Variants in INPP5A observed in about 807,000 individuals in gnomAD.
INPP5A encodes inositol polyphosphate-5-phosphatase A.
A neutral mutation model predicts 65.2 loss-of-function variants in INPP5A; 14 were observed. The ratio of observed to expected loss-of-function variants is 0.21; its 90% CI spans 0.14 to 0.34. INPP5A has a LOEUF of 0.34. INPP5A is among the 10% of genes least tolerant of loss of function. The pLI, the probability that INPP5A is intolerant of heterozygous loss-of-function variation, is 1.00. For missense variants in INPP5A, 431 were observed against 545.6 expected, an observed-to-expected ratio of 0.79 and a Z score of 2.09; for synonymous variants, 207 against 208.3, an observed-to-expected ratio of 0.99 and a Z score of 0.05.
intron 9 of INPP5A, among the ~76,000 whole-genome samples, chr10:132,739,398 T>A (rs187718845): frequency 6.6e-6 from 1 of 152,304 alleles, no homozygotes; most frequent in Non-Finnish European, 1.5e-5. Context: ...GTGAGGCCCG[T>A]GGTGGGGGCG....
rs2070861068 is a variant in INPP5A at position 132,538,009 on chromosome 10, G to A, written c.-88G>A. The A allele has an allele frequency of 1.8e-6, 1 of 565,372 alleles. No homozygotes were observed. The highest frequency in any genetic ancestry group is 7.2e-5 in the South Asian group (1 of 13,880). The allele number at this position is 565,372 out of a possible 1,614,324, so 35.0% of individuals were successfully genotyped here. Reference sequence around the variant, plus strand: ...CCCCCCGGCGCAGCTGACGCCCCGCGGCCCCGCGAAGACCCCGGCCGGCCG... The same window carrying A: ...CCCCCCGGCGCAGCTGACGCCCCGCAGCCCCGCGAAGACCCCGGCCGGCCG... On this transcript the variant is annotated 5_prime_UTR_variant, in exon 1 of 16. Transcript: ENST00000368594. The surrounding 1 kb of genome is among the most constrained non-coding windows in gnomAD (Gnocchi z 4.1).
In INPP5A at chr10:132,665,400, A is replaced by G. The variant is rs1191026428; in HGVS notation, c.306+14895A>G. On this transcript the variant is annotated intron_variant, in intron 4 of 15. Coordinates refer to ENST00000368594, the MANE Select transcript of INPP5A (RefSeq NM_005539.5). ...TTAATTATGACAAAGGAAAAGTGAT[A>G]TTAAGATTCGGGGTATTTGTTTCAT... Among the ~76,000 whole-genome samples, 8 of 152,258 alleles carry G rather than the reference A, an allele frequency of 5.3e-5. No individual in the cohort carries two copies. The East Asian group carries it at 1.5e-3, about 29-fold the overall frequency.
chr10:132,719,685 TG>T (rs1373095996), intron 8 of INPP5A, among the ~76,000 whole-genome samples: 23 of 149,344 alleles, frequency 1.5e-4, no homozygotes, highest in Middle Eastern at 3.6e-3. Context: ...ACGGCTGTCT[TG>T]CAGGTTCTGT....
At chr10:132,779,180 C>T (rs1001134304) in intron 13 of INPP5A, among the ~76,000 whole-genome samples, 1 of 152,256 alleles carries the variant, frequency 6.6e-6, no homozygotes, top group African/African-American at 2.4e-5. Flanking sequence ...AGTGTGCTGG[C>T]CACAAGCCCA....
intron 9 of INPP5A, among the ~76,000 whole-genome samples, chr10:132,729,963 G>A (rs966235238): frequency 3.3e-5 from 5 of 152,196 alleles, no homozygotes; most frequent in Admixed American, 2.6e-4. Context: ...GCACTCCAGG[G>A]CGAGTGAGCA....
intron 4 of INPP5A, among the ~76,000 whole-genome samples, chr10:132,671,374 TTCGGA>T (rs2072889094): frequency 2.0e-5 from 3 of 149,158 alleles, no homozygotes; most frequent in Admixed American, 1.3e-4. Flanking sequence ...CCCTCCCTGC[TTCGGA>T]CTCCGCCCTC....
At chr10:132,572,051 C>G (rs980407217) in intron 1 of INPP5A, among the ~76,000 whole-genome samples, 1 of 152,238 alleles carries the variant, frequency 6.6e-6, no homozygotes, top group African/African-American at 2.4e-5. Flanking sequence ...ACAGGACGAG[C>G]CTGCAGAGCC....
At chr10:132,649,780 G>A (rs908384812) in intron 3 of INPP5A, among the ~76,000 whole-genome samples, 2 of 152,190 alleles carry the variant, frequency 1.3e-5, no homozygotes, top group Non-Finnish European at 2.9e-5. Flanking sequence ...AGGGGTGTGC[G>A]GTGGCCTCCT....
chr10:132,738,057 G>A (rs1846208616), intron 9 of INPP5A, among the ~76,000 whole-genome samples: 1 of 152,192 alleles, frequency 6.6e-6, no homozygotes, highest in African/African-American at 2.4e-5. Context: ...TCTATGCTGG[G>A]ACTCTGTTCG....
chr10:132,750,115 G>A (rs527591673), intron 11 of INPP5A, among the ~76,000 whole-genome samples: 3 of 152,384 alleles, frequency 2.0e-5, no homozygotes, highest in Non-Finnish European at 2.9e-5. Flanking sequence ...CCCCGTGTGC[G>A]AGGGGAGACG....
At chr10:132,723,220 G>C (rs1845918400) in intron 8 of INPP5A, among the ~76,000 whole-genome samples, 1 of 152,266 alleles carries the variant, frequency 6.6e-6, no homozygotes, top group African/African-American at 2.4e-5. Context: ...CGGGAAGAAG[G>C]AGCAGCCAGG....
At chr10:132,699,694 G>C (rs577015910) in intron 6 of INPP5A, among the ~76,000 whole-genome samples, 1 of 152,254 alleles carries the variant, frequency 6.6e-6, no homozygotes, top group Non-Finnish European at 1.5e-5. Flanking sequence ...AAGCTCGGGG[G>C]CAGCGGGCCC....
chr10:132,703,348 G>A (rs924266583), intron 6 of INPP5A, among the ~76,000 whole-genome samples: 1 of 152,066 alleles, frequency 6.6e-6, no homozygotes, highest in Non-Finnish European at 1.5e-5. Flanking sequence ...TCACCCGCCA[G>A]CCGCAGGCCC....
At chr10:132,730,269 G>A (rs1241436978) in intron 9 of INPP5A, among the ~76,000 whole-genome samples, 1 of 152,226 alleles carries the variant, frequency 6.6e-6, no homozygotes, top group Non-Finnish European at 1.5e-5. Context: ...GGGCTCCACG[G>A]GGTGCATCAT....
rs180937429 is a variant in INPP5A, at chr10:132,673,119, C to G, written c.307-17273C>G. ...CTGATTTCACCTTGATAGACCAGAT[C>G]AATCACCCCAACAGTGTAACTCCTT... is the stretch of plus-strand genomic sequence containing the variant. On this transcript the variant is annotated intron_variant, in intron 4 of 15. Coordinates refer to ENST00000368594, the MANE Select transcript of INPP5A (RefSeq NM_005539.5). Among the ~76,000 whole-genome samples, 25 of 152,334 alleles carry G rather than the reference C, an allele frequency of 1.6e-4. No homozygotes were observed. The East Asian group carries it at 4.8e-3, about 29-fold the overall frequency.
rs1246827172 is a variant in INPP5A, at chr10:132,771,814, C to T, written c.978-5857C>T. Reference sequence around the variant, plus strand: ...GCACTGACACGGAGGCCCAGGCAGCCGCCCCGTGAAGAGTGGGGCACTCAG... The same window carrying T: ...GCACTGACACGGAGGCCCAGGCAGCTGCCCCGTGAAGAGTGGGGCACTCAG... On this transcript the variant is annotated intron_variant, in intron 12 of 15. Transcript: ENST00000368594. 2.4e-5 allele frequency among the ~76,000 whole-genome samples: 3 copies of T among 123,314 alleles called. 1 individual carries two copies. The highest frequency in any genetic ancestry group is 5.7e-4 in the South Asian group (2 of 3,506). 80.9% of individuals were successfully genotyped at this position (123,314 alleles called of 152,430 possible).
chr10:132,718,310 G>T (rs1376948839), intron 8 of INPP5A, among the ~76,000 whole-genome samples: 1 of 151,048 alleles, frequency 6.6e-6, no homozygotes, highest in Non-Finnish European at 1.5e-5. Context: ...GCTGTCTTCA[G>T]GGTTCTGTGG....
intron 4 of INPP5A, among the ~76,000 whole-genome samples, chr10:132,679,336 C>T (rs1450758863): frequency 6.6e-6 from 1 of 152,058 alleles, no homozygotes; most frequent in Non-Finnish European, 1.5e-5. Context: ...GAGTAGGTCT[C>T]CAGTCCTGAA....
intron 9 of INPP5A, among the ~76,000 whole-genome samples, chr10:132,730,587 G>T (rs1846066970): frequency 1.3e-5 from 2 of 152,218 alleles, no homozygotes; most frequent in Admixed American, 6.5e-5. Flanking sequence ...GGCTTGCCTG[G>T]CCATCGAAGC....
Sources: gnomAD v4.1 joint callset for allele counts (sites outside exome capture counted in the v4.1 genomes callset) on GRCh38, gnomAD v4.1.1 for gene constraint, Gnocchi (gnomAD v3.1) non-coding constraint, MANE v1.5 for transcripts, NCBI Gene and HGNC (gene_info 2026-07-23, HGNC 2026-07-21) for gene names.